AGK: variants seen among roughly 807,000 people sequenced by gnomAD.
The protein encoded by AGK is acylglycerol kinase, mitochondrial.
AGK carries 52 observed loss-of-function variants against 66.4 expected under a neutral mutation model. That is an observed-to-expected ratio of 0.78 (90% CI 0.63 to 0.99). The LOEUF (loss-of-function observed/expected upper bound fraction) is 0.99, where lower values mean the gene tolerates loss of function less well. Among genes scored for constraint, AGK ranks in the 50% least tolerant of loss-of-function variants. The probability of loss-of-function intolerance (pLI) is 0.00; values close to 1 mark genes in which losing one functional copy is unlikely to be tolerated. For synonymous variants in AGK, 182 were observed against 181.1 expected, an observed-to-expected ratio of 1.00 and a Z score of -0.04; for missense variants, 451 against 506.6, an observed-to-expected ratio of 0.89 and a Z score of 1.05.
At chr7:141,642,621 G>C (rs1004197869) in intron 13 of AGK, among the ~76,000 whole-genome samples, 2 of 152,104 alleles carry the variant, frequency 1.3e-5, no homozygotes, top group African/African-American at 4.8e-5. Flanking sequence ...AGCAGGCATT[G>C]GCAAACTGGT....
chr7:141,642,738 CAA>C (rs1244400906), intron 13 of AGK, among the ~76,000 whole-genome samples: 2 of 152,148 alleles, frequency 1.3e-5, no homozygotes, highest in Non-Finnish European at 2.9e-5. Flanking sequence ...ACGTAAAGTT[CAA>C]GTTTCAGTAT....
chr7:141,588,551 A>G (rs531314885), intron 2 of AGK, among the ~76,000 whole-genome samples: 2 of 151,934 alleles, frequency 1.3e-5, no homozygotes, highest in East Asian at 3.9e-4. Flanking sequence ...GGGAGATGGA[A>G]GTTTCAGTGA....
intron 10 of AGK, among the ~76,000 whole-genome samples, chr7:141,636,618 T>G (rs545119617): frequency 1.4e-4 from 21 of 152,318 alleles, no homozygotes; most frequent in Admixed American, 1.4e-3. Context: ...CTGCAGACTT[T>G]GGACTGAGGG....
In AGK at chr7:141,651,543, C is replaced by A; in HGVS notation, c.1065C>A (p.Asn355Lys). 6.2e-7 allele frequency: 1 copy of A among 1,614,198 alleles called. No homozygotes were observed. Among genetic ancestry groups the A allele is most frequent in the East Asian group, 2.2e-5 (1 of 44,890 alleles). ...CTCACAGAAGTCGAAAGGTGAGAAACCCCAAGCTGCACGTGGAGGGCACGG... is the reference window on the plus strand; with the variant it reads ...CTCACAGAAGTCGAAAGGTGAGAAAACCCAAGCTGCACGTGGAGGGCACGG... ...FITIGSRKVR[N>K]PKLHVEGTEC... The change falls in exon 15 of 16, where the codon AAC becomes AAA. Residue 355 changes from asparagine (N) to lysine (K), a missense_variant. Coordinates refer to ENST00000649286, the MANE Select transcript of AGK (RefSeq NM_018238.4).
intron 13 of AGK, among the ~76,000 whole-genome samples, chr7:141,646,064 C>T (rs1797403868): frequency 6.6e-6 from 1 of 152,140 alleles, no homozygotes; most frequent in South Asian, 2.1e-4. Context: ...CCACAGCCTG[C>T]GGAGAGGGAG....
At chr7:141,565,594 T>G (rs974912110) in intron 2 of AGK, among the ~76,000 whole-genome samples, 1 of 151,470 alleles carries the variant, frequency 6.6e-6, no homozygotes, top group African/African-American at 2.4e-5. Flanking sequence ...TGAGCTGAGA[T>G]CGTACCACTG....
rs990551077 is a variant in AGK, at chr7:141,624,004, G to C, written c.588+2203G>C. Among the ~76,000 whole-genome samples, 3 of 151,952 alleles carry C rather than the reference G, an allele frequency of 2.0e-5. No individual in the cohort carries two copies. The South Asian group carries it at 6.2e-4, about 32-fold the overall frequency. On this transcript the variant is annotated intron_variant, in intron 9 of 15. Coordinates refer to ENST00000649286, the MANE Select transcript of AGK (RefSeq NM_018238.4). ...CTGGAAAAACAAATCCTGGGTGATA[G>C]TACATCTGTTTACAGCATAGTTTAC...
chr7:141,622,775 A>G (rs1796853359), intron 9 of AGK, among the ~76,000 whole-genome samples: 1 of 152,158 alleles, frequency 6.6e-6, no homozygotes, highest in South Asian at 2.1e-4. Context: ...TAGAGATGAG[A>G]CCAGGTGCGG....
In AGK at chr7:141,641,876, A is replaced by G. The variant is rs1797298803; in HGVS notation, c.943A>G (p.Ile315Val). ...GCAGCTGTCCACCATTGAACTGTCC[A>G]TCACAACACGGAATAATCAGCTTGA... ...DVQLSTIELS[I>V]TTRNNQLDPT... Residue 315 changes from isoleucine to valine, a missense_variant, in exon 13 of 16, where the codon ATC becomes GTC. Transcript: ENST00000649286. 6.3e-7 allele frequency: 1 copy of G among 1,584,598 alleles called. No homozygotes were observed. Among genetic ancestry groups the G allele is most frequent in the African/African-American group, 1.3e-5 (1 of 74,678 alleles).
chr7:141,634,122 A>G, intron 10 of AGK, 142 bp downstream of exon 10: 1 of 711,340 alleles, frequency 1.4e-6, no homozygotes. Context: ...TAATGGAGGT[A>G]GGAACAATCA....
intron 9 of AGK, among the ~76,000 whole-genome samples, chr7:141,626,673 A>G (rs2116984560): frequency 6.6e-6 from 1 of 152,336 alleles, no homozygotes; most frequent in South Asian, 2.1e-4. Context: ...TCTAAAAGCA[A>G]AAATTGGACT....
At chr7:141,620,562 C>T (rs938730194) in intron 8 of AGK, among the ~76,000 whole-genome samples, 3 of 151,964 alleles carry the variant, frequency 2.0e-5, no homozygotes, top group Admixed American at 1.3e-4. Flanking sequence ...AACGAAGACA[C>T]ACACTGGAAA....
In AGK at chr7:141,596,602, A is replaced by G. The variant is rs529613810; in HGVS notation, c.182A>G (p.Lys61Arg). ...CTCATTCCTCCCAATGCACAAGTGAAGAAGGCCACTGTTTTTCTCAATCCT... is the reference window on the plus strand; with the variant it reads ...CTCATTCCTCCCAATGCACAAGTGAGGAAGGCCACTGTTTTTCTCAATCCT... ...NQLIPPNAQV[K>R]KATVFLNPAA... Residue 61 changes from lysine to arginine, a missense_variant, in exon 4 of 16, where the codon AAG (lysine) becomes AGG (arginine). Transcript: ENST00000649286. 1 of 1,614,118 alleles carries G rather than the reference A, an allele frequency of 6.2e-7. No individual in the cohort carries two copies. Among genetic ancestry groups the G allele is most frequent in the African/African-American group, 1.3e-5 (1 of 75,044 alleles).
intron 5 of AGK, among the ~76,000 whole-genome samples, chr7:141,606,805 A>T (rs1796469210): frequency 6.6e-6 from 1 of 152,150 alleles, no homozygotes; most frequent in East Asian, 1.9e-4. Flanking sequence ...CACTGTCCTA[A>T]AAATCCTCTC....
At chr7:141,594,500 C>G (rs574783592) in intron 3 of AGK, among the ~76,000 whole-genome samples, 2 of 151,596 alleles carry the variant, frequency 1.3e-5, no homozygotes, top group African/African-American at 4.8e-5. Flanking sequence ...CCCTTTCTTT[C>G]TCTCTTTAAG....
At chr7:141,574,128 T>C (rs966154914) in intron 2 of AGK, among the ~76,000 whole-genome samples, 1 of 152,184 alleles carries the variant, frequency 6.6e-6, no homozygotes, top group African/African-American at 2.4e-5. Context: ...TGGCATAAAG[T>C]ATTTAAATTG....
At chr7:141,588,404 A>G (rs1796037325) in intron 2 of AGK, among the ~76,000 whole-genome samples, 1 of 152,128 alleles carries the variant, frequency 6.6e-6, no homozygotes, top group South Asian at 2.1e-4. Flanking sequence ...AGGCAGGCGG[A>G]TCATGAGGTC....
intron 13 of AGK, among the ~76,000 whole-genome samples, chr7:141,647,757 G>GC (rs1244914734): frequency 6.6e-6 from 1 of 152,160 alleles, no homozygotes; most frequent in Non-Finnish European, 1.5e-5. Context: ...TGCAATCTCT[G>GC]CCTCCTGGGT....
intron 2 of AGK, among the ~76,000 whole-genome samples, chr7:141,584,517 G>A (rs1047679475): frequency 3.9e-5 from 6 of 152,120 alleles, no homozygotes; most frequent in African/African-American, 1.4e-4. Context: ...GCTGTACCCC[G>A]ACCATTTGGG....
Sources: gnomAD v4.1 joint callset for allele counts (sites outside exome capture counted in the v4.1 genomes callset) on GRCh38, gnomAD v4.1.1 for gene constraint, MANE v1.5 for transcripts, NCBI Gene and HGNC (gene_info 2026-07-23, HGNC 2026-07-21) for gene names.